Variants in PIK3C2G observed in about 807,000 individuals in gnomAD.
The protein encoded by PIK3C2G is phosphatidylinositol 3-kinase C2 domain-containing subunit gamma.
A neutral mutation model predicts 181.1 loss-of-function variants in PIK3C2G; 168 were observed. That is an observed-to-expected ratio of 0.93 (90% confidence interval 0.82 to 1.05). PIK3C2G has a LOEUF of 1.05. PIK3C2G is among the 50% of genes least tolerant of loss of function. The probability of loss-of-function intolerance (pLI) is 0.00; values close to 1 mark genes in which losing one functional copy is unlikely to be tolerated. For missense variants in PIK3C2G, 1,869 were observed against 1,732.8 expected, an observed-to-expected ratio of 1.08 and a Z score of -1.40; for synonymous variants, 573 against 592.2, an observed-to-expected ratio of 0.97 and a Z score of 0.47.
At chr12:18,275,317 T>C (rs1306044175) in intron 1 of PIK3C2G, among the ~76,000 whole-genome samples, 1 of 152,142 alleles carries the variant, frequency 6.6e-6, no homozygotes, top group African/African-American at 2.4e-5. Flanking sequence ...CCTTCTCATG[T>C]CTTCACCTTT....
intron 1 of PIK3C2G, among the ~76,000 whole-genome samples, chr12:18,280,782 A>G (rs865837929): frequency 6.6e-6 from 1 of 152,084 alleles, no homozygotes; most frequent in South Asian, 2.1e-4. Context: ...GAAAATGGAA[A>G]AGGAGTCCCA....
intron 15 of PIK3C2G, among the ~76,000 whole-genome samples, chr12:18,393,795 T>C (rs1244005952): frequency 1.3e-5 from 2 of 152,128 alleles, no homozygotes; most frequent in Non-Finnish European, 2.9e-5. Flanking sequence ...AGTCACTTTC[T>C]ATACCTGGGT....
In PIK3C2G at chr12:18,343,314, C is replaced by T; in HGVS notation, c.1396-13C>T. 1 of 1,305,042 alleles carries T rather than the reference C, an allele frequency of 7.7e-7. No homozygotes were observed. Among genetic ancestry groups the T allele is most frequent in the African/African-American group, 1.5e-5 (1 of 67,580 alleles). 80.8% of individuals were successfully genotyped at this position (1,305,042 alleles called of 1,614,324 possible). ...TGTGCGAATAACAAGTATAATTTTA[C>T]ATTTTTTTTCAGAATTTTTATCAAA... On this transcript the variant is annotated splice_polypyrimidine_tract_variant and intron_variant, in intron 9 of 32. Coordinates refer to ENST00000538779, the MANE Select transcript of PIK3C2G (RefSeq NM_001288772.2).
chr12:18,714,207 G>C, the PIK3C2G span, among the ~76,000 whole-genome samples: 1 of 152,108 alleles, frequency 6.6e-6, no homozygotes, highest in African/African-American at 2.4e-5. Flanking sequence ...ATAGCGTTAA[G>C]ATAATTCTTT....
the PIK3C2G span, among the ~76,000 whole-genome samples, chr12:18,655,342 G>A: frequency 2.0e-5 from 3 of 152,110 alleles, no homozygotes; most frequent in African/African-American, 7.2e-5. Flanking sequence ...GACAAGTTGG[G>A]TAAGTAACAT....
chr12:18,429,733 G>A (rs1218451372), intron 18 of PIK3C2G, among the ~76,000 whole-genome samples: 1 of 152,038 alleles, frequency 6.6e-6, no homozygotes, highest in Non-Finnish European at 1.5e-5. Context: ...ATGTCTGTAA[G>A]GCCATCAATA....
chr12:18,679,413 C>T, the PIK3C2G span, among the ~76,000 whole-genome samples: 3 of 151,986 alleles, frequency 2.0e-5, no homozygotes, highest in African/African-American at 7.2e-5. Context: ...CTAGAAGTTT[C>T]ATAACTTTAG....
the PIK3C2G span, among the ~76,000 whole-genome samples, chr12:18,665,074 G>A: frequency 6.7e-5 from 10 of 150,320 alleles, no homozygotes; most frequent in African/African-American, 2.4e-4. Context: ...GAGTTGATGG[G>A]TGCAGCACAA....
At chr12:18,262,386 C>G (rs982713578) in intron 1 of PIK3C2G, among the ~76,000 whole-genome samples, 1 of 152,032 alleles carries the variant, frequency 6.6e-6, no homozygotes, top group Non-Finnish European at 1.5e-5. Context: ...GAAACAGACT[C>G]AGAGAGCGAG....
In PIK3C2G at chr12:18,314,080, CATTGGTTTCA is replaced by C; in HGVS notation, c.1137+22_1137+31del. 1 of 1,355,060 alleles carries C rather than the reference CATTGGTTTCA, an allele frequency of 7.4e-7. No homozygotes were observed. Among genetic ancestry groups the C allele is most frequent in the Non-Finnish European group, 1.0e-6 (1 of 969,746 alleles). The allele number at this position is 1,355,060 out of a possible 1,614,324, so 83.9% of individuals were successfully genotyped here. A position where few individuals can be genotyped will look rare whatever the true frequency, so the allele number is the denominator to read the frequency against. ...ATCTCGAAAGGTAAGACTTTCTTAG[CATTGGTTTCA>C]ATTGGCAAACTGACAGTTTTAAGGA... On this transcript the variant is annotated intron_variant, in intron 6 of 32. Coordinates refer to ENST00000538779, the MANE Select transcript of PIK3C2G (RefSeq NM_001288772.2).
At chr12:18,487,823 C>G (rs543090267) in intron 18 of PIK3C2G, among the ~76,000 whole-genome samples, 234 of 152,178 alleles carry the variant, frequency 1.5e-3, no homozygotes, top group African/African-American at 5.1e-3. Flanking sequence ...AGCTCTATAG[C>G]TTTATAGAAT....
At chr12:18,573,599 T>TTTA (rs1161445413) in intron 29 of PIK3C2G, among the ~76,000 whole-genome samples, 1 of 152,210 alleles carries the variant, frequency 6.6e-6, no homozygotes, top group Non-Finnish European at 1.5e-5. Context: ...GTTGGCTGTC[T>TTTA]AACACTTTCC....
intron 21 of PIK3C2G, 142 bp from the exon 22 acceptor site, chr12:18,497,477 T>A (rs1941106989): frequency 2.1e-6 from 1 of 476,780 alleles, no homozygotes; most frequent in East Asian, 3.4e-5. Context: ...CAAGGTAATT[T>A]TAGTGCTAAC....
intron 30 of PIK3C2G, among the ~76,000 whole-genome samples, chr12:18,600,333 C>T (rs1947638793): frequency 6.6e-6 from 1 of 151,700 alleles, no homozygotes; most frequent in African/African-American, 2.4e-5. Flanking sequence ...AAATGGATTA[C>T]AGAAAAAATT....
chr12:18,374,683 T>A (rs1258370292), intron 13 of PIK3C2G, among the ~76,000 whole-genome samples: 1 of 152,258 alleles, frequency 6.6e-6, no homozygotes, highest in Non-Finnish European at 1.5e-5. Context: ...TATTGTCTGC[T>A]GTAAATCTCA....
At position 18,648,015 on chromosome 12, in the gene PIK3C2G, A is replaced by G. The variant is rs12816860; in HGVS notation, c.4448A>G (p.Asn1483Ser). The change falls in exon 33 of 33, where the codon AAC becomes AGC. Residue 1483 changes from asparagine (N) to serine (S), a missense_variant. Physicochemically the swap from Asn to Ser is conservative, Grantham distance 46 (BLOSUM62 1). Coordinates refer to ENST00000538779, the MANE Select transcript of PIK3C2G (RefSeq NM_001288772.2). Reference sequence around the variant, plus strand: ...AAAGAAAAATGGTATCCATTAGGAAACAGTATAATTTGACCATTGCTATGA... The same window carrying G: ...AAAGAAAAATGGTATCCATTAGGAAGCAGTATAATTTGACCATTGCTATGA... ...LDKEKWYPLG[N>S]SII 17 of 1,594,106 alleles carry G rather than the reference A, an allele frequency of 1.1e-5. No individual in the cohort carries two copies. The highest frequency in any genetic ancestry group is 1.4e-5 in the Non-Finnish European group (16 of 1,169,582).
chr12:18,411,018 G>A (rs1944840179), intron 16 of PIK3C2G, among the ~76,000 whole-genome samples: 1 of 151,980 alleles, frequency 6.6e-6, no homozygotes, highest in African/African-American at 2.4e-5. Flanking sequence ...TATCCATCAG[G>A]AAATATCTCT....
intron 28 of PIK3C2G, 91 bp from the exon 29 acceptor site, chr12:18,566,858 A>T: frequency 1.4e-6 from 1 of 731,576 alleles, no homozygotes; most frequent in Non-Finnish European, 2.5e-6. Flanking sequence ...TGGCCCTTCC[A>T]TCTGATACAG....
chr12:18,689,376 C>G, the PIK3C2G span, among the ~76,000 whole-genome samples: 1 of 152,182 alleles, frequency 6.6e-6, no homozygotes, highest in East Asian at 1.9e-4. Flanking sequence ...ACATGTGGCC[C>G]ATGGTGGCTT....
Sources: gnomAD v4.1 joint callset for allele counts (sites outside exome capture counted in the v4.1 genomes callset) on GRCh38, gnomAD v4.1.1 for gene constraint, MANE v1.5 for transcripts, NCBI Gene and HGNC (gene_info 2026-07-23, HGNC 2026-07-21) for gene names.